DDX60: variants seen among roughly 807,000 people sequenced by gnomAD.
DDX60 encodes DExD/H-box helicase 60.
Under a neutral mutation model 212.8 loss-of-function variants are expected in DDX60, and 165 were observed. That is an observed-to-expected ratio of 0.78 (90% confidence interval 0.68 to 0.88). DDX60 has a LOEUF of 0.88. Among genes scored for constraint, DDX60 ranks in the 40% least tolerant of loss-of-function variants. DDX60 has a pLI of 0.00. For missense variants in DDX60, 1,905 were observed against 2,003.9 expected (o/e 0.95, Z 0.94); for synonymous variants, 703 against 685.3 (o/e 1.03, Z -0.40).
At chr4:168,251,203 C>T (rs1734208376) in intron 27 of DDX60, 97 bp from the exon 28 acceptor site, 3 of 1,176,420 alleles carry the variant, frequency 2.6e-6, no homozygotes, top group Non-Finnish European at 3.6e-6. Context: ...AATAATTTGG[C>T]TAAACAGGCA....
In DDX60 at chr4:168,288,234, A is replaced by T; in HGVS notation, c.1123T>A (p.Leu375Ile). 1 of 1,522,430 alleles carries T rather than the reference A, an allele frequency of 6.6e-7. No individual in the cohort carries two copies. The highest frequency in any genetic ancestry group is 9.0e-7 in the Non-Finnish European group (1 of 1,113,342). 94.3% of individuals were successfully genotyped at this position (1,522,430 alleles called of 1,614,324 possible). A position where few individuals can be genotyped will look rare whatever the true frequency, so the allele number is the denominator to read the frequency against. ...TTCTTCAACAAAAGCTCATCATTTA[A>T]GTCAGAAAGGTGAATTAAATTCAGA... ...WNLNLIHLSD[L>I]NDELLLKNIA... is the part of the protein sequence containing the mutation. The change falls in exon 9 of 38, where the codon TTA (leucine) becomes ATA (isoleucine). Residue 375 changes from leucine (L) to isoleucine (I), a missense_variant. Leu to Ile is a conservative substitution (Grantham distance 5, BLOSUM62 2). Coordinates refer to ENST00000393743, the MANE Select transcript of DDX60 (RefSeq NM_017631.6).
intron 27 of DDX60, 31 bp from the exon 28 acceptor site, chr4:168,251,137 A>ATTTAAT (rs1560827823): frequency 6.4e-7 from 1 of 1,567,920 alleles, no homozygotes; most frequent in Non-Finnish European, 8.6e-7. Context: ...AGGGATTATG[A>ATTTAAT]TTTAATTTTA....
chr4:168,216,401 A>T lies in DDX60; in HGVS notation c.*532T>A, dbSNP rs545199670. Reference sequence around the variant, plus strand: ...TTTTTGTTAAATCATCACAAAATGTATGTTTAAAAAGTAGTTTAAGTTTAC... The same window carrying T: ...TTTTTGTTAAATCATCACAAAATGTTTGTTTAAAAAGTAGTTTAAGTTTAC... On this transcript the variant is annotated 3_prime_UTR_variant, in exon 38 of 38. Transcript: ENST00000393743. 6.6e-6 allele frequency: 1 copy of T among 152,348 alleles called. No homozygotes were observed. Among genetic ancestry groups the T allele is most frequent in the South Asian group, 2.1e-4 (1 of 4,832 alleles). The allele number at this position is 152,348 out of a possible 1,614,324, so 9.4% of individuals were successfully genotyped here. A position where few individuals can be genotyped will look rare whatever the true frequency, so the allele number is the denominator to read the frequency against.
chr4:168,248,841 C>T (rs1213581016), intron 28 of DDX60, among the ~76,000 whole-genome samples: 1 of 151,666 alleles, frequency 6.6e-6, no homozygotes, highest in Non-Finnish European at 1.5e-5. Flanking sequence ...CTCACTGCAA[C>T]CTCCACCTCC....
chr4:168,303,755 G>A (rs1417978554), intron 5 of DDX60, among the ~76,000 whole-genome samples: 3 of 152,132 alleles, frequency 2.0e-5, no homozygotes, highest in African/African-American at 7.2e-5. Context: ...AGGCCAAGAC[G>A]GGCAGATCAT....
chr4:168,242,149 G>C (rs1309989459), intron 30 of DDX60, among the ~76,000 whole-genome samples: 2 of 152,198 alleles, frequency 1.3e-5, no homozygotes, highest in African/African-American at 4.8e-5. Flanking sequence ...AATTTCAGAG[G>C]ATGTATGAAA....
Position 168,301,321 on chromosome 4 carries a change from G to C in DDX60, c.723+979C>G, listed in dbSNP as rs867653952. 4.6e-5 allele frequency among the ~76,000 whole-genome samples: 7 copies of C among 151,096 alleles called. 1 individual carries two copies. In the South Asian group the frequency reaches 6.5e-4, roughly 14 times the overall value. ...TAGCAGTTCACCAACAAAGTTTTCA[G>C]ATCTGAACTTCTAAATGCCTTCTTC... On this transcript the variant is annotated intron_variant, in intron 6 of 37. Coordinates refer to ENST00000393743, the MANE Select transcript of DDX60 (RefSeq NM_017631.6).
At chr4:168,264,905 C>A (rs925878932) in intron 22 of DDX60, among the ~76,000 whole-genome samples, 1 of 152,144 alleles carries the variant, frequency 6.6e-6, no homozygotes, top group Non-Finnish European at 1.5e-5. Flanking sequence ...CAGATTTGTA[C>A]CATTCTTTAT....
intron 25 of DDX60, among the ~76,000 whole-genome samples, chr4:168,260,282 A>G (rs1477404406): frequency 6.6e-6 from 1 of 152,080 alleles, no homozygotes; most frequent in Non-Finnish European, 1.5e-5. Context: ...ACCCCACAAC[A>G]GGCCCCGGTG....
rs58664687 is a variant in DDX60 at position 168,292,049 on chromosome 4, C to CTTTCTT, written c.883-144_883-143insAAGAAA. On this transcript the variant is annotated intron_variant, in intron 7 of 37. Coordinates refer to ENST00000393743, the MANE Select transcript of DDX60 (RefSeq NM_017631.6). ...CCTTTCTTTCTTTCTTTCTTTCTTT[C>CTTTCTT]TTTTTTTTTTTTTTTTTGAGACAGA... 9.9e-4 allele frequency: 301 copies of CTTTCTT among 303,532 alleles called. 2 individuals carry two copies. Among genetic ancestry groups the CTTTCTT allele is most frequent in the African/African-American group, 6.2e-3 (218 of 34,976 alleles). The allele number at this position is 303,532 out of a possible 1,614,324, so 18.8% of individuals were successfully genotyped here.
In DDX60 at chr4:168,302,292, T is replaced by G. The variant is rs1434518446; in HGVS notation, c.723+8A>C. ...TCAAATACAAAGCTTTTTAAAATGT[T>G]TTGTTACCTCTTCCGTAATATTATT... On this transcript the variant is annotated splice_region_variant and intron_variant, in intron 6 of 37. Transcript: ENST00000393743. 1 of 1,417,070 alleles carries G rather than the reference T, an allele frequency of 7.1e-7. No homozygotes were observed. Among genetic ancestry groups the G allele is most frequent in the East Asian group, 2.4e-5 (1 of 42,486 alleles). The allele number at this position is 1,417,070 out of a possible 1,614,324, so 87.8% of individuals were successfully genotyped here.
In DDX60 at chr4:168,287,115, A is replaced by G; in HGVS notation, c.1272T>C (p.Val424=). Residue 424 remains valine (V), a synonymous_variant, in exon 10 of 38, where the codon GTT becomes GTC. Coordinates refer to ENST00000393743, the MANE Select transcript of DDX60 (RefSeq NM_017631.6). ...TTGTTCTCAGAGGAAATGGCTGTCC[A>G]ACCTCAAAGTCTCTGACCAACTTTG... is the stretch of plus-strand genomic sequence containing the variant. ...TVSKLVRDFE[V]GQPFPLRTTK... 1 of 1,612,866 alleles carries G rather than the reference A, an allele frequency of 6.2e-7. No homozygotes were observed. The highest frequency in any genetic ancestry group is 8.5e-7 in the Non-Finnish European group (1 of 1,179,552).
At chr4:168,270,642 C>A (rs565077988) in intron 19 of DDX60, among the ~76,000 whole-genome samples, 3 of 152,138 alleles carry the variant, frequency 2.0e-5, no homozygotes, top group Non-Finnish European at 2.9e-5. Context: ...TATTCAAGAC[C>A]TTCATGATGC....
chr4:168,280,392 T>C lies in DDX60; in HGVS notation c.1921A>G (p.Met641Val). ...TTCAAGCAAGCAGTTAACCCCACCA[T>C]TTCAACCTGAAGTTTCACACAGCTA... ...KSSCVKLQVE[M>V]VGLTACLKAW... Residue 641 changes from methionine to valine, a missense_variant, in exon 14 of 38, where the codon ATG (methionine) becomes GTG (valine). By Grantham distance (21) the Met-to-Val change is conservative. Coordinates refer to ENST00000393743, the MANE Select transcript of DDX60 (RefSeq NM_017631.6). The C allele has an allele frequency of 6.2e-7, 1 of 1,614,174 alleles. No individual in the cohort carries two copies. Among genetic ancestry groups the C allele is most frequent in the Middle Eastern group, 1.6e-4 (1 of 6,062 alleles).
chr4:168,272,179 T>C, intron 18 of DDX60, 41 bp from the exon 19 acceptor site: 11 of 1,460,046 alleles, frequency 7.5e-6, no homozygotes, highest in Non-Finnish European at 1.0e-5. Context: ...TTTTGAGCAC[T>C]TACTATGTGT....
chr4:168,315,197 A>G (rs1737311211), intron 1 of DDX60, among the ~76,000 whole-genome samples: 1 of 152,202 alleles, frequency 6.6e-6, no homozygotes, highest in Non-Finnish European at 1.5e-5. Context: ...TAAATGTATG[A>G]ACTGATGGAT....
At chr4:168,276,302 A>G (rs1160544639) in intron 14 of DDX60, 121 bp from the exon 15 acceptor site, 6 of 732,436 alleles carry the variant, frequency 8.2e-6, no homozygotes, top group Non-Finnish European at 1.1e-5. Context: ...GAGGTTTTGG[A>G]GTAGAAAGGA....
At chr4:168,226,800 C>G (rs114765207) in intron 33 of DDX60, among the ~76,000 whole-genome samples, 3,710 of 152,184 alleles carry the variant, frequency 0.024, 52 homozygotes, top group Non-Finnish European at 0.035. Flanking sequence ...ACACTTCACA[C>G]GTTCTCACTA....
upstream of DDX60, among the ~76,000 whole-genome samples, chr4:168,322,284 G>A (rs1737623455): frequency 6.6e-6 from 1 of 152,140 alleles, no homozygotes; most frequent in Admixed American, 6.5e-5. Flanking sequence ...GTAAGGATCA[G>A]CAGAATCATC....
Sources: gnomAD v4.1 joint callset for allele counts (sites outside exome capture counted in the v4.1 genomes callset) on GRCh38, gnomAD v4.1.1 for gene constraint, MANE v1.5 for transcripts, NCBI Gene and HGNC (gene_info 2026-07-23, HGNC 2026-07-21) for gene names.